The following SNAP47 variants were observed in gnomAD, a reference collection of about 807,000 sequenced individuals.
The protein encoded by SNAP47 is synaptosomal-associated protein 47.
In SNAP47, 20 loss-of-function variants were observed where a neutral mutation model predicts 31.4. The observed-to-expected ratio is 0.64, with a 90% CI of 0.45 to 0.93. The LOEUF (loss-of-function observed/expected upper bound fraction) is 0.93. Among genes scored for constraint, SNAP47 ranks in the 40% least tolerant of loss-of-function variants. The probability of loss-of-function intolerance (pLI) is 0.00; values close to 1 mark genes in which losing one functional copy is unlikely to be tolerated. For missense variants in SNAP47, 492 were observed against 528.5 expected, an observed-to-expected ratio of 0.93 and a Z score of 0.68; for synonymous variants, 194 against 213.4, an observed-to-expected ratio of 0.91 and a Z score of 0.79.
chr1:227,734,696 G>T (rs1201481134), upstream of SNAP47: 7 of 1,614,150 alleles, frequency 4.3e-6, no homozygotes, highest in South Asian at 1.1e-5. Context: ...CCTGGGAGAG[G>T]AGTAGCCCGC....
At chr1:227,770,286 G>C (rs540396080) in intron 4 of SNAP47, among the ~76,000 whole-genome samples, 1 of 152,346 alleles carries the variant, frequency 6.6e-6, no homozygotes, top group Non-Finnish European at 1.5e-5. Flanking sequence ...CTGGTGCTGG[G>C]ACGGGGGTGA....
intron 2 of SNAP47, among the ~76,000 whole-genome samples, chr1:227,756,454 G>C (rs565719255): frequency 1.3e-5 from 2 of 152,158 alleles, no homozygotes; most frequent in African/African-American, 4.8e-5. Context: ...TTGCAAATTA[G>C]TCACCTTTAA....
intron 3 of SNAP47, among the ~76,000 whole-genome samples, chr1:227,764,104 A>G (rs1019805318): frequency 6.6e-6 from 1 of 152,014 alleles, no homozygotes; most frequent in East Asian, 1.9e-4. Flanking sequence ...GAGTCACCCC[A>G]CCCTTCTTGC....
chr1:227,776,532 C>T (rs1218471277), intron 4 of SNAP47: 1 of 985,490 alleles, frequency 1.0e-6, no homozygotes, highest in African/African-American at 1.7e-5. Flanking sequence ...TGACAGCATC[C>T]TGCACAATGG....
Position 227,735,474 on chromosome 1 carries a change from T to G in SNAP47, c.-71T>G. ...GAGCGGCCGAGGCGCCGCGGTCGGC[T>G]CTGGGACTCGTCTGGCGTCCCTCAG... On this transcript the variant is annotated 5_prime_UTR_variant, in exon 1 of 5. Coordinates refer to ENST00000617596, the MANE Select transcript of SNAP47 (RefSeq NM_053052.4). 1 of 1,430,116 alleles carries G rather than the reference T, an allele frequency of 7.0e-7. No individual in the cohort carries two copies. Among genetic ancestry groups the G allele is most frequent in the Non-Finnish European group, 9.1e-7 (1 of 1,102,462 alleles). The allele number at this position is 1,430,116 out of a possible 1,614,324, so 88.6% of individuals were successfully genotyped here.
At chr1:227,744,348 T>C (rs1052990329) in intron 1 of SNAP47, among the ~76,000 whole-genome samples, 3 of 152,286 alleles carry the variant, frequency 2.0e-5, no homozygotes, top group East Asian at 1.9e-4. Context: ...CTGATTGGCA[T>C]GTATGCATGT....
At chr1:227,733,053 C>A, upstream of SNAP47, 2 of 1,611,794 alleles carry the variant, frequency 1.2e-6, no homozygotes, top group Non-Finnish European at 1.7e-6. Context: ...TGCAGGCAGG[C>A]CTGAGCCCAT....
At chr1:227,767,598 G>T (rs1230115855) in intron 4 of SNAP47, among the ~76,000 whole-genome samples, 1 of 151,862 alleles carries the variant, frequency 6.6e-6, no homozygotes, top group Non-Finnish European at 1.5e-5. Context: ...TGCTGTGCAT[G>T]TGGTGTATGT....
chr1:227,775,401 G>A (rs1457179271), intron 4 of SNAP47, among the ~76,000 whole-genome samples: 2 of 152,128 alleles, frequency 1.3e-5, no homozygotes, highest in Admixed American at 6.6e-5. Flanking sequence ...TTAATGACAC[G>A]GCCAGGGCAG....
intron 1 of SNAP47, among the ~76,000 whole-genome samples, chr1:227,739,433 C>T (rs1421966159): frequency 1.3e-5 from 2 of 152,170 alleles, no homozygotes; most frequent in South Asian, 2.1e-4. Flanking sequence ...AGGGTGTCTG[C>T]ACTTTGTGGC....
chr1:227,733,972 A>T, upstream of SNAP47: 1 of 1,613,890 alleles, frequency 6.2e-7, no homozygotes, highest in Non-Finnish European at 8.5e-7. Context: ...CCCAGAACTC[A>T]TTCAGCCAGT....
intron 3 of SNAP47, among the ~76,000 whole-genome samples, chr1:227,766,757 A>AC (rs1663428900): frequency 6.6e-6 from 1 of 152,230 alleles, no homozygotes; most frequent in South Asian, 2.1e-4. Context: ...CAGAGTGGCC[A>AC]CCGTCTGTTT....
rs924758944 is a variant in SNAP47 at position 227,770,424 on chromosome 1, C to T, written c.1113+3341C>T. 3 of 152,960 alleles carry T rather than the reference C, an allele frequency of 2.0e-5. No homozygotes were observed. The Admixed American group carries it at 2.0e-4, about 10-fold the overall frequency. The allele number at this position is 152,960 out of a possible 1,614,324, so 9.5% of individuals were successfully genotyped here. A position where few individuals can be genotyped will look rare whatever the true frequency, so the allele number is the denominator to read the frequency against. On this transcript the variant is annotated intron_variant, in intron 4 of 4. Coordinates refer to ENST00000617596, the MANE Select transcript of SNAP47 (RefSeq NM_053052.4). ...CACGTCTTTGTTTGGCAGAAACCCT[C>T]TGCCCACTCCACAGCGTCATGTCCC...
At chr1:227,736,914 G>A (rs571354789) in intron 1 of SNAP47, among the ~76,000 whole-genome samples, 27 of 152,252 alleles carry the variant, frequency 1.8e-4, no homozygotes, top group Admixed American at 5.2e-4. Flanking sequence ...GTCCTCCCTA[G>A]GTATGTCTCT....
chr1:227,733,938 G>A (rs755408098), upstream of SNAP47: 16 of 1,613,786 alleles, frequency 9.9e-6, no homozygotes, highest in East Asian at 8.9e-5. Context: ...TAGACAAAGC[G>A]GTAGTCATCC....
At chr1:227,764,570 C>G (rs966570501) in intron 3 of SNAP47, among the ~76,000 whole-genome samples, 3 of 151,968 alleles carry the variant, frequency 2.0e-5, no homozygotes, top group Non-Finnish European at 4.4e-5. Context: ...GAGGACGAGA[C>G]CAGCCTGGGT....
rs547736574 is a variant in SNAP47, at chr1:227,762,105, C to T, written c.988+2620C>T. Among the ~76,000 whole-genome samples the T allele has an allele frequency of 1.3e-5, 2 of 152,356 alleles. No individual in the cohort carries two copies. The highest frequency in any genetic ancestry group is 1.9e-4 in the East Asian group (1 of 5,180). On this transcript the variant is annotated intron_variant, in intron 3 of 4. Coordinates refer to ENST00000617596, the MANE Select transcript of SNAP47 (RefSeq NM_053052.4). This position sits in a 1 kb window ranked among gnomAD's most constrained non-coding sequence, Gnocchi z 4.2. The stretch of plus-strand genomic sequence containing the variant: ...ACCCGGCCCGTGGTGTTTTGAGTAC[C>T]TGGGGCAGCCATCTTGCCATGTGGC...
intron 4 of SNAP47, among the ~76,000 whole-genome samples, chr1:227,772,356 ACTCTGCCTTCCCT>A (rs1179723402): frequency 7.8e-6 from 1 of 127,718 alleles, no homozygotes; most frequent in African/African-American, 3.0e-5. Context: ...CCCGCCCACC[ACTCTGCCTTCCCT>A]CTCTGCCAGC....
intron 2 of SNAP47, among the ~76,000 whole-genome samples, chr1:227,753,292 T>C (rs1662495211): frequency 6.6e-6 from 1 of 152,254 alleles, no homozygotes; most frequent in African/African-American, 2.4e-5. Flanking sequence ...TGGATACTAA[T>C]AGGCCTTGTT....
Sources: allele counts gnomAD v4.1 joint callset (sites outside exome capture counted in the v4.1 genomes callset), GRCh38; gene constraint gnomAD v4.1.1; non-coding constraint Gnocchi (gnomAD v3.1); transcripts MANE v1.5; gene names NCBI Gene and HGNC (gene_info 2026-07-23, HGNC 2026-07-21).